CSMD1: variants seen among roughly 807,000 people sequenced by gnomAD.
CSMD1 encodes the protein CUB and Sushi multiple domains 1.
Under a neutral mutation model 417.5 loss-of-function variants are expected in CSMD1, and 213 were observed. That is an observed-to-expected ratio of 0.51 (90% confidence interval 0.46 to 0.57). The LOEUF is 0.57. Ranked by LOEUF, CSMD1 falls within the 20% of genes least tolerant of loss-of-function variation. CSMD1 has a pLI of 0.00. For missense variants in CSMD1, 6,923 were observed against 4,529.7 expected (o/e 1.53, Z -15.17); for synonymous variants, 2,862 against 1,736.8 (o/e 1.65, Z -16.11).
Position 3,118,415 on chromosome 8 carries a change from A to C in CSMD1, c.6414T>G (p.Pro2138=), listed in dbSNP as rs537884952. The C allele has an allele frequency of 1.9e-6, 3 of 1,612,232 alleles. No homozygotes were observed. In the Admixed American group the frequency reaches 5.0e-5, roughly 27 times the overall value. Residue 2138 remains proline (P), a synonymous_variant, in exon 42 of 70, where the codon CCT becomes CCG. Coordinates refer to ENST00000635120, the MANE Select transcript of CSMD1 (RefSeq NM_033225.6). ...QHGINRNWNY[P]FPRCDAPCGY... is the part of the protein sequence containing the mutation. ...TGAACTTACCATCACATCTTGGAAA[A>C]GGGTAGTTCCAGTTTCTGTTGATCC... is the stretch of plus-strand genomic sequence containing the variant.
intron 2 of CSMD1, among the ~76,000 whole-genome samples, chr8:4,590,592 A>G (rs1380435157): frequency 6.6e-6 from 1 of 152,124 alleles, no homozygotes; most frequent in Non-Finnish European, 1.5e-5. Flanking sequence ...GAAATATACT[A>G]TTTAAAATAA....
chr8:3,098,266 C>T (rs1040781665), intron 46 of CSMD1, among the ~76,000 whole-genome samples: 10 of 152,088 alleles, frequency 6.6e-5, no homozygotes, highest in South Asian at 2.1e-4. Flanking sequence ...ATTGAGTTAT[C>T]GCCTTTTAAT....
chr8:3,541,235 T>G (rs1010893746), intron 10 of CSMD1, among the ~76,000 whole-genome samples: 1 of 152,122 alleles, frequency 6.6e-6, no homozygotes, highest in Non-Finnish European at 1.5e-5. Context: ...TGCAGGAACA[T>G]GGATGAAACT....
chr8:3,732,764 A>T (rs912383899), intron 6 of CSMD1, among the ~76,000 whole-genome samples: 3 of 152,194 alleles, frequency 2.0e-5, no homozygotes, highest in African/African-American at 4.8e-5. Context: ...ATGCTTAATT[A>T]CTAAGCTGAA....
chr8:3,335,564 C>T (rs1807203630), intron 23 of CSMD1, among the ~76,000 whole-genome samples: 1 of 152,132 alleles, frequency 6.6e-6, no homozygotes, highest in Non-Finnish European at 1.5e-5. Flanking sequence ...GTAATCCCAG[C>T]TACTAGGGAG....
At chr8:2,991,939 C>T (rs989783981) in intron 54 of CSMD1, among the ~76,000 whole-genome samples, 1 of 152,152 alleles carries the variant, frequency 6.6e-6, no homozygotes, top group African/African-American at 2.4e-5. Flanking sequence ...GACGTTATTT[C>T]CTACTCTACT....
chr8:3,671,664 T>C (rs998561299), intron 7 of CSMD1, among the ~76,000 whole-genome samples: 7 of 149,812 alleles, frequency 4.7e-5, no homozygotes, highest in South Asian at 2.1e-4. Context: ...GCCTCTGCCT[T>C]GCTTTAAGGT....
At chr8:3,816,433 A>C (rs1801369129) in intron 5 of CSMD1, among the ~76,000 whole-genome samples, 1 of 152,196 alleles carries the variant, frequency 6.6e-6, no homozygotes, top group African/African-American at 2.4e-5. Flanking sequence ...TATTGTATAT[A>C]GTTATCATTG....
intron 2 of CSMD1, among the ~76,000 whole-genome samples, chr8:4,459,957 G>C (rs1293005341): frequency 2.0e-5 from 3 of 152,068 alleles, no homozygotes; most frequent in African/African-American, 4.8e-5. Flanking sequence ...TAGAGGAACA[G>C]AACAATCTAG....
intron 2 of CSMD1, among the ~76,000 whole-genome samples, chr8:4,592,339 G>C (rs1309060136): frequency 6.6e-6 from 1 of 151,672 alleles, no homozygotes; most frequent in African/African-American, 2.4e-5. Flanking sequence ...CCATTAAATT[G>C]TCACAAATAT....
chr8:4,170,402 G>T (rs746991502), intron 3 of CSMD1, among the ~76,000 whole-genome samples: 1 of 151,882 alleles, frequency 6.6e-6, no homozygotes, highest in Non-Finnish European at 1.5e-5. Context: ...CCTGTGAAAA[G>T]CATATGCATG....
chr8:4,486,016 A>AT (rs979274751), intron 2 of CSMD1, among the ~76,000 whole-genome samples: 1 of 151,314 alleles, frequency 6.6e-6, no homozygotes, highest in Non-Finnish European at 1.5e-5. Flanking sequence ...AATAGCAATT[A>AT]TTTTTTTCTA....
chr8:3,344,724 A>T (rs1807877137), intron 22 of CSMD1, among the ~76,000 whole-genome samples: 1 of 152,152 alleles, frequency 6.6e-6, no homozygotes, highest in African/African-American at 2.4e-5. Flanking sequence ...ATACAGATTA[A>T]TTTTTCTTTC....
chr8:4,493,584 C>T lies in CSMD1; in HGVS notation c.303-73519G>A, dbSNP rs371826497. ...GCAATGGGGCATGCACCTGTAGTCCCGGCTACTAGCTGAGGTGGGGAGATT... is the reference window on the plus strand; with the variant it reads ...GCAATGGGGCATGCACCTGTAGTCCTGGCTACTAGCTGAGGTGGGGAGATT... On this transcript the variant is annotated intron_variant, in intron 2 of 69. Coordinates refer to ENST00000635120, the MANE Select transcript of CSMD1 (RefSeq NM_033225.6). 2.0e-4 allele frequency among the ~76,000 whole-genome samples: 30 copies of T among 152,192 alleles called. 2 individuals are homozygous for T. Among genetic ancestry groups the T allele is most frequent in the African/African-American group, 6.3e-4 (26 of 41,542 alleles).
intron 12 of CSMD1, 111 bp downstream of exon 12, chr8:3,468,601 A>G (rs1160720533): frequency 1.6e-6 from 1 of 617,352 alleles, no homozygotes; most frequent in Non-Finnish European, 2.8e-6. Context: ...ATTCCTATTT[A>G]TCAGCATTGT....
chr8:4,000,913 T>G (rs1043283803), intron 4 of CSMD1, among the ~76,000 whole-genome samples: 1 of 152,046 alleles, frequency 6.6e-6, no homozygotes. Context: ...ATTATCAAAG[T>G]CCACGTTACC....
At chr8:4,583,488 C>T (rs1297087751) in intron 2 of CSMD1, among the ~76,000 whole-genome samples, 1 of 152,048 alleles carries the variant, frequency 6.6e-6, no homozygotes, top group African/African-American at 2.4e-5. Context: ...ACCTTTATGT[C>T]TAGCTCAGGG....
intron 12 of CSMD1, among the ~76,000 whole-genome samples, chr8:3,436,408 G>C (rs1814569181): frequency 6.6e-6 from 1 of 152,104 alleles, no homozygotes; most frequent in African/African-American, 2.4e-5. Context: ...TAAAATCTGT[G>C]AGAGCTGGTC....
At chr8:3,927,714 C>G (rs1057013380) in intron 5 of CSMD1, among the ~76,000 whole-genome samples, 9 of 151,898 alleles carry the variant, frequency 5.9e-5, no homozygotes, top group Admixed American at 3.9e-4. Context: ...TTTTCTTTAC[C>G]TTTGTTAAGC....
Sources: gnomAD v4.1 joint callset for allele counts (sites outside exome capture counted in the v4.1 genomes callset) on GRCh38, gnomAD v4.1.1 for gene constraint, MANE v1.5 for transcripts, NCBI Gene and HGNC (gene_info 2026-07-23, HGNC 2026-07-21) for gene names.